LRRC4C: variants seen among roughly 807,000 people sequenced by gnomAD.
LRRC4C encodes the protein leucine-rich repeat-containing protein 4C.
A neutral mutation model predicts 33.6 loss-of-function variants in LRRC4C; 5 were observed. The ratio of observed to expected loss-of-function variants is 0.15; its 90% CI spans 0.08 to 0.31. The LOEUF (loss-of-function observed/expected upper bound fraction) is 0.31, where lower values mean the gene tolerates loss of function less well. LRRC4C is among the 10% of genes least tolerant of loss of function. The pLI, the probability that LRRC4C is intolerant of heterozygous loss-of-function variation, is 1.00. For missense variants in LRRC4C, 560 were observed against 796.7 expected, an observed-to-expected ratio of 0.70 and a Z score of 3.58; for synonymous variants, 329 against 302.0, an observed-to-expected ratio of 1.09 and a Z score of -0.93.
At chr11:40,622,252 A>G (rs150461693) in intron 3 of LRRC4C, among the ~76,000 whole-genome samples, 1 of 151,998 alleles carries the variant, frequency 6.6e-6, no homozygotes, top group East Asian at 1.9e-4. Context: ...AAATCACCTA[A>G]TTATGAAAAG....
intron 3 of LRRC4C, among the ~76,000 whole-genome samples, chr11:40,336,933 C>T (rs1158633219): frequency 3.1e-5 from 4 of 129,056 alleles, no homozygotes; most frequent in East Asian, 2.4e-4. Flanking sequence ...GCCGAGATTG[C>T]ACCACTGCAC....
At chr11:40,358,616 T>G (rs1590431374) in intron 3 of LRRC4C, among the ~76,000 whole-genome samples, 1 of 152,238 alleles carries the variant, frequency 6.6e-6, no homozygotes, top group African/African-American at 2.4e-5. Context: ...TCTCCTATAC[T>G]AAGCTGCCTG....
At chr11:40,356,472 G>C (rs1320383895) in intron 3 of LRRC4C, among the ~76,000 whole-genome samples, 1 of 152,160 alleles carries the variant, frequency 6.6e-6, no homozygotes, top group Non-Finnish European at 1.5e-5. Flanking sequence ...TTTCAAGGTA[G>C]GTTAGAGAGG....
At chr11:41,060,656 A>C (rs745506901) in intron 1 of LRRC4C, among the ~76,000 whole-genome samples, 3 of 152,220 alleles carry the variant, frequency 2.0e-5, no homozygotes, top group East Asian at 1.9e-4. Context: ...ATACAGCCAT[A>C]CTGGGGCTAG....
At position 40,699,727 on chromosome 11, in the gene LRRC4C, C is replaced by T. The variant is rs190425706; in HGVS notation, c.-406-51449G>A. Reference sequence around the variant, plus strand: ...ATAATTTCTATTTACATACACGTTTCCCTAAGGAATATTGATGGAGTTAAT... The same window carrying T: ...ATAATTTCTATTTACATACACGTTTTCCTAAGGAATATTGATGGAGTTAAT... On this transcript the variant is annotated intron_variant, in intron 2 of 6. Transcript: ENST00000528697. Among the ~76,000 whole-genome samples the T allele has an allele frequency of 1.0e-2, 1,518 of 152,234 alleles. 17 individuals carry two copies. Among genetic ancestry groups the T allele is most frequent in the Middle Eastern group, 0.027 (8 of 294 alleles).
At chr11:40,230,392 G>A (rs1865115355) in intron 5 of LRRC4C, among the ~76,000 whole-genome samples, 1 of 152,196 alleles carries the variant, frequency 6.6e-6, no homozygotes. Context: ...TATAAGGGGT[G>A]TGTACCATGC....
chr11:40,719,787 T>G (rs3924528), intron 2 of LRRC4C, among the ~76,000 whole-genome samples: 85,300 of 151,970 alleles, frequency 0.56, 24,191 homozygotes, highest in African/African-American at 0.62. Context: ...GGTGTCAGTG[T>G]TGGAGCTTTG....
chr11:41,374,963 T>C (rs1310723791), intron 1 of LRRC4C, among the ~76,000 whole-genome samples: 1 of 151,806 alleles, frequency 6.6e-6, no homozygotes. Flanking sequence ...CCGTCTCTAC[T>C]AAAAATACAA....
At chr11:41,426,845 C>T (rs139467072) in intron 1 of LRRC4C, among the ~76,000 whole-genome samples, 21 of 152,252 alleles carry the variant, frequency 1.4e-4, no homozygotes, top group African/African-American at 4.6e-4. Context: ...GTTGACTTCC[C>T]AGGCCTCTCT....
chr11:40,827,729 C>G (rs1226208905), intron 2 of LRRC4C, among the ~76,000 whole-genome samples: 1 of 151,518 alleles, frequency 6.6e-6, no homozygotes, highest in Non-Finnish European at 1.5e-5. Flanking sequence ...TGCGTGTGTG[C>G]ATGTATGGGT....
At chr11:41,010,910 T>G (rs1221555423) in intron 1 of LRRC4C, among the ~76,000 whole-genome samples, 1 of 152,114 alleles carries the variant, frequency 6.6e-6, no homozygotes, top group South Asian at 2.1e-4. Flanking sequence ...CTTTGTCAGA[T>G]GTAAGGATTG....
intron 1 of LRRC4C, among the ~76,000 whole-genome samples, chr11:41,053,744 A>C (rs1455896440): frequency 3.3e-5 from 5 of 152,228 alleles, no homozygotes; most frequent in African/African-American, 4.8e-5. Context: ...TGTTGAAGTA[A>C]TTTAAAAATC....
At chr11:41,325,225 T>C (rs1317492063) in intron 1 of LRRC4C, among the ~76,000 whole-genome samples, 1 of 152,144 alleles carries the variant, frequency 6.6e-6, no homozygotes, top group African/African-American at 2.4e-5. Context: ...ACATCATGCT[T>C]CATGCAAAAT....
chr11:41,400,357 C>T (rs1382632877), intron 1 of LRRC4C, among the ~76,000 whole-genome samples: 1 of 151,844 alleles, frequency 6.6e-6, no homozygotes, highest in African/African-American at 2.4e-5. Flanking sequence ...TTATTTTTCT[C>T]CTTAGCTGTT....
At chr11:40,514,798 C>T (rs1006655153) in intron 3 of LRRC4C, among the ~76,000 whole-genome samples, 3 of 152,042 alleles carry the variant, frequency 2.0e-5, no homozygotes, top group African/African-American at 7.2e-5. Context: ...ATACAATCAT[C>T]TAAAAGTTTG....
rs189582026 is a variant in LRRC4C, at chr11:41,178,596, A to G, written c.-495-244873T>C. Among the ~76,000 whole-genome samples the G allele has an allele frequency of 2.7e-3, 414 of 152,280 alleles. 3 individuals are homozygous for G. Among genetic ancestry groups the G allele is most frequent in the African/African-American group, 9.5e-3 (394 of 41,566 alleles). On this transcript the variant is annotated intron_variant, in intron 1 of 6. Transcript: ENST00000528697. ...AGTCTCTAACTCCTGGCCTCAAGCA[A>G]ACTGCCCATCTCAGCCTCCCAAAAT...
chr11:40,882,876 G>A (rs1047699037), intron 2 of LRRC4C, among the ~76,000 whole-genome samples: 2 of 151,964 alleles, frequency 1.3e-5, no homozygotes, highest in Non-Finnish European at 2.9e-5. Context: ...AGCATGCACT[G>A]TCTAATGCAC....
chr11:41,302,120 C>T (rs115087188), intron 1 of LRRC4C, among the ~76,000 whole-genome samples: 9 of 152,234 alleles, frequency 5.9e-5, no homozygotes, highest in African/African-American at 2.2e-4. Flanking sequence ...AAATTGGGTA[C>T]AGCAGTGAGG....
chr11:40,147,774 T>C (rs1857866123), intron 5 of LRRC4C, among the ~76,000 whole-genome samples: 1 of 152,138 alleles, frequency 6.6e-6, no homozygotes. Context: ...AGTTCAGGGG[T>C]ACATGTGCAA....
Sources: allele counts gnomAD v4.1 joint callset (sites outside exome capture counted in the v4.1 genomes callset), GRCh38; gene constraint gnomAD v4.1.1; transcripts MANE v1.5; gene names NCBI Gene and HGNC (gene_info 2026-07-23, HGNC 2026-07-21).